The following ERBB4 variants were observed in gnomAD, a reference collection of about 807,000 sequenced individuals.
ERBB4 encodes receptor tyrosine-protein kinase erbB-4.
Under a neutral mutation model 158.0 loss-of-function variants are expected in ERBB4, and 42 were observed. The ratio of observed to expected loss-of-function variants is 0.27; its 90% CI spans 0.21 to 0.34. The LOEUF is 0.34. ERBB4 is among the 10% of genes least tolerant of loss of function. The probability of loss-of-function intolerance (pLI) is 1.00; values close to 1 mark genes in which losing one functional copy is unlikely to be tolerated. For missense variants in ERBB4, 1,333 were observed against 1,624.1 expected (o/e 0.82, Z 3.08); for synonymous variants, 583 against 558.7 (o/e 1.04, Z -0.61).
chr2:212,296,095 G>A (rs564694695), intron 1 of ERBB4, among the ~76,000 whole-genome samples: 8 of 151,856 alleles, frequency 5.3e-5, no homozygotes, highest in South Asian at 4.1e-4. Flanking sequence ...CAATCAATAT[G>A]TAATTCATTG....
chr2:211,661,023 G>T (rs2071403538), intron 15 of ERBB4, among the ~76,000 whole-genome samples: 1 of 152,092 alleles, frequency 6.6e-6, no homozygotes, highest in Non-Finnish European at 1.5e-5. Flanking sequence ...GCAAATTGGA[G>T]ATAGAAAAAT....
chr2:212,450,821 G>GAAAAAAAAA (rs57931477), intron 1 of ERBB4, among the ~76,000 whole-genome samples: 9 of 92,852 alleles, frequency 9.7e-5, no homozygotes, highest in African/African-American at 2.3e-4. Context: ...TTTCAGCCGA[G>GAAAAAAAAA]AAAAAAAAAA....
rs2105919195 is a variant in ERBB4, at chr2:211,665,399, C to T, written c.1795G>A (p.Gly599Arg). 2 of 1,614,036 alleles carry T rather than the reference C, an allele frequency of 1.2e-6. No individual in the cohort carries two copies. Among genetic ancestry groups the T allele is most frequent in the Non-Finnish European group, 1.7e-6 (2 of 1,179,994 alleles). Reference sequence around the variant, plus strand: ...TACTTGAAAATGAAACTGTTTGCCCCCTGTAAGCCATCTGGACATTTTTCC... The same window carrying T: ...TACTTGAAAATGAAACTGTTTGCCCTCTGTAAGCCATCTGGACATTTTTCC... The part of the protein sequence containing the change: ...CVEKCPDGLQ[G>R]ANSFIFKYAD... Residue 599 changes from glycine (G) to arginine (R), a missense_variant, in exon 15 of 28, where the codon GGG becomes AGG. Physicochemically the swap from Gly to Arg is moderately radical, Grantham distance 125. Transcript: ENST00000342788.
In ERBB4 at chr2:212,134,403, C is replaced by T. The variant is rs192114289; in HGVS notation, c.83-9500G>A. Among the ~76,000 whole-genome samples, 694 of 151,274 alleles carry T rather than the reference C, an allele frequency of 4.6e-3. 4 individuals are homozygous for T. Among genetic ancestry groups the T allele is most frequent in the African/African-American group, 0.015 (624 of 41,246 alleles). On this transcript the variant is annotated intron_variant, in intron 1 of 27. Coordinates refer to ENST00000342788, the MANE Select transcript of ERBB4 (RefSeq NM_005235.3). ...TATCTTTATCAGATGTGATTAGGGC[C>T]AAAAGAGTTTAAAAATTGAAATGAA... is the stretch of plus-strand genomic sequence containing the variant.
At chr2:211,572,592 C>A (rs538391731) in intron 19 of ERBB4, among the ~76,000 whole-genome samples, 56 of 152,242 alleles carry the variant, frequency 3.7e-4, no homozygotes, top group African/African-American at 1.1e-3. Context: ...TCCTGCAACC[C>A]CTTAGTGAGG....
intron 1 of ERBB4, among the ~76,000 whole-genome samples, chr2:212,205,647 C>T (rs1205735920): frequency 6.6e-6 from 1 of 152,044 alleles, no homozygotes; most frequent in Non-Finnish European, 1.5e-5. Flanking sequence ...TTATTAAAGA[C>T]CTTATCTTTA....
rs1337207726 is a variant in ERBB4 at position 211,382,850 on chromosome 2, A to G, written c.*765T>C. On this transcript the variant is annotated 3_prime_UTR_variant, in exon 28 of 28. Transcript: ENST00000342788. The stretch of plus-strand genomic sequence containing the variant: ...GTAGTGGCCATTTCACTATATTAAA[A>G]TATTTCTTGCTTAAATTCTGTGAAG... 1 of 232,672 alleles carries G rather than the reference A, an allele frequency of 4.3e-6. No homozygotes were observed. The highest frequency in any genetic ancestry group is 8.5e-6 in the Non-Finnish European group (1 of 117,792). The allele number at this position is 232,672 out of a possible 1,614,324, so 14.4% of individuals were successfully genotyped here.
chr2:212,517,270 T>A (rs1467789566), intron 1 of ERBB4, among the ~76,000 whole-genome samples: 1 of 152,112 alleles, frequency 6.6e-6, no homozygotes, highest in Non-Finnish European at 1.5e-5. Flanking sequence ...GTAGATGATA[T>A]TGTCTTATCC....
At chr2:212,382,739 A>G (rs948062772) in intron 1 of ERBB4, among the ~76,000 whole-genome samples, 4 of 151,334 alleles carry the variant, frequency 2.6e-5, no homozygotes, top group African/African-American at 9.7e-5. Flanking sequence ...CTTGTTTAAT[A>G]TAGATGTTTA....
intron 2 of ERBB4, among the ~76,000 whole-genome samples, chr2:211,960,137 G>A (rs967243020): frequency 6.6e-6 from 1 of 152,056 alleles, no homozygotes; most frequent in African/African-American, 2.4e-5. Flanking sequence ...TTTACACAAA[G>A]AGAAACCAGG....
intron 19 of ERBB4, among the ~76,000 whole-genome samples, chr2:211,598,888 G>T (rs878959939): frequency 6.6e-6 from 1 of 152,020 alleles, no homozygotes; most frequent in African/African-American, 2.4e-5. Context: ...TTTGAGTAAC[G>T]TCACTTGGCA....
At chr2:211,411,651 T>C (rs562473753) in intron 25 of ERBB4, among the ~76,000 whole-genome samples, 3 of 152,186 alleles carry the variant, frequency 2.0e-5, no homozygotes, top group Admixed American at 6.5e-5. Flanking sequence ...TGGAGAAGAG[T>C]GGAAAATAAA....
intron 1 of ERBB4, among the ~76,000 whole-genome samples, chr2:212,451,903 T>C (rs2092450758): frequency 6.6e-6 from 1 of 152,048 alleles, no homozygotes; most frequent in African/African-American, 2.4e-5. Context: ...GGCAACTGGG[T>C]TGAAATGAAG....
At chr2:211,663,912 T>C (rs1028656649) in intron 15 of ERBB4, among the ~76,000 whole-genome samples, 8 of 152,152 alleles carry the variant, frequency 5.3e-5, no homozygotes, top group South Asian at 2.1e-4. Flanking sequence ...TTTTGTGAAA[T>C]ACTCTTAACT....
At chr2:211,719,976 C>T (rs1036728486) in intron 7 of ERBB4, among the ~76,000 whole-genome samples, 6 of 151,820 alleles carry the variant, frequency 4.0e-5, no homozygotes, top group South Asian at 2.1e-4. Context: ...GGAAAGTACA[C>T]GGCATAAACA....
At chr2:212,508,275 G>A (rs1328840923) in intron 1 of ERBB4, among the ~76,000 whole-genome samples, 2 of 152,144 alleles carry the variant, frequency 1.3e-5, no homozygotes, top group Non-Finnish European at 2.9e-5. Flanking sequence ...TCAGCTTATT[G>A]TGGTGGTCTG....
chr2:211,479,947 G>C (rs972400578), intron 20 of ERBB4, among the ~76,000 whole-genome samples: 1 of 151,942 alleles, frequency 6.6e-6, no homozygotes, highest in Non-Finnish European at 1.5e-5. Flanking sequence ...AAATGATCTT[G>C]AATAAAAAGC....
intron 2 of ERBB4, among the ~76,000 whole-genome samples, chr2:211,979,627 A>G (rs1247884017): frequency 6.6e-6 from 1 of 152,134 alleles, no homozygotes; most frequent in Admixed American, 6.5e-5. Context: ...CCAAGAGAGT[A>G]GAAGTACAAG....
chr2:211,458,386 C>G (rs889237890), intron 20 of ERBB4, among the ~76,000 whole-genome samples: 2 of 152,072 alleles, frequency 1.3e-5, no homozygotes, highest in Non-Finnish European at 2.9e-5. Flanking sequence ...CCTGCCTCAG[C>G]CTCCCAAGTA....
Sources: gnomAD v4.1 joint callset for allele counts (sites outside exome capture counted in the v4.1 genomes callset) on GRCh38, gnomAD v4.1.1 for gene constraint, MANE v1.5 for transcripts, NCBI Gene and HGNC (gene_info 2026-07-23, HGNC 2026-07-21) for gene names.